Variants in MED20 observed in about 807,000 individuals in gnomAD.
The protein encoded by MED20 is mediator complex subunit 20.
MED20 carries 19 observed loss-of-function variants against 19.7 expected under a neutral mutation model. The ratio of observed to expected loss-of-function variants is 0.96; its 90% CI spans 0.67 to 1.42. MED20 has a LOEUF of 1.42. Ranked by LOEUF, MED20 falls within the 40% of genes most tolerant of loss-of-function variation. The probability of loss-of-function intolerance (pLI) is 0.00; values close to 1 mark genes in which losing one functional copy is unlikely to be tolerated. For synonymous variants in MED20, 105 were observed against 104.8 expected, an observed-to-expected ratio of 1.00 and a Z score of -0.01; for missense variants, 225 against 273.0, an observed-to-expected ratio of 0.82 and a Z score of 1.24.
intron 2 of MED20, among the ~76,000 whole-genome samples, chr6:41,915,483 ACT>A (rs1775290266): frequency 6.8e-6 from 1 of 148,040 alleles, no homozygotes; most frequent in Admixed American, 6.7e-5. Context: ...ACAGAGCAAG[ACT>A]CTATCTCTTA....
At chr6:41,911,944 A>G (rs1357459421) in intron 2 of MED20, among the ~76,000 whole-genome samples, 2 of 152,214 alleles carry the variant, frequency 1.3e-5, no homozygotes, top group Non-Finnish European at 2.9e-5. Flanking sequence ...ATGAGTCTAC[A>G]AGTGTTACTG....
At chr6:41,914,969 T>G (rs558847991) in intron 2 of MED20, among the ~76,000 whole-genome samples, 6 of 152,248 alleles carry the variant, frequency 3.9e-5, no homozygotes, top group East Asian at 3.9e-4. Flanking sequence ...TGCATAAGGA[T>G]TGTCTGGATT....
At chr6:41,916,965 A>C in intron 1 of MED20, 26 bp from the exon 2 acceptor site, 1 of 1,612,854 alleles carries the variant, frequency 6.2e-7, no homozygotes, top group African/African-American at 1.3e-5. Context: ...CCAAATCGTC[A>C]GTTATCCAGA....
chr6:41,917,075 A>G (rs1310575127), intron 1 of MED20, 136 bp from the exon 2 acceptor site: 2 of 872,332 alleles, frequency 2.3e-6, no homozygotes, highest in South Asian at 5.1e-5. Context: ...CCGTCTCCCA[A>G]TCCCTGCAAC....
intron 1 of MED20, chr6:41,920,779 A>C: frequency 2.0e-6 from 1 of 490,998 alleles, no homozygotes; most frequent in Non-Finnish European, 3.5e-6. Context: ...TAAAAAAAAC[A>C]AAACAAAACA....
intron 1 of MED20, chr6:41,917,832 A>G (rs1384699433): frequency 4.3e-6 from 2 of 468,866 alleles, no homozygotes; most frequent in Admixed American, 2.4e-5. Flanking sequence ...ACAGTAGCCC[A>G]GAGCCACAGG....
chr6:41,909,585 C>T (rs1291934392), intron 2 of MED20, 63 bp from the exon 3 acceptor site: 52 of 1,581,708 alleles, frequency 3.3e-5, no homozygotes, highest in Non-Finnish European at 4.3e-5. Flanking sequence ...AGAGTAGAGT[C>T]AAATGACTCC....
chr6:41,916,654 C>T (rs1000135353), intron 2 of MED20, 131 bp downstream of exon 2: 13 of 1,095,140 alleles, frequency 1.2e-5, no homozygotes, highest in African/African-American at 7.9e-5. Flanking sequence ...GAATTAATGA[C>T]GTCAAAAACA....
intron 1 of MED20, chr6:41,920,799 C>A (rs893319529): frequency 2.1e-5 from 11 of 513,928 alleles, no homozygotes; most frequent in Admixed American, 1.2e-4. Flanking sequence ...AAAAAAAAAA[C>A]CTTTGCTTTC....
chr6:41,916,493 T>C (rs1775317763), intron 2 of MED20, among the ~76,000 whole-genome samples: 1 of 151,430 alleles, frequency 6.6e-6, no homozygotes, highest in Admixed American at 6.6e-5. Flanking sequence ...GGCAGGAGAA[T>C]CACTTGAACC....
At chr6:41,908,710 C>A (rs898415891) in intron 3 of MED20, among the ~76,000 whole-genome samples, 1 of 152,182 alleles carries the variant, frequency 6.6e-6, no homozygotes, top group South Asian at 2.1e-4. Context: ...TTTCCCTTCT[C>A]CAGCAAGCCA....
chr6:41,908,444 G>C (rs1775110134), intron 3 of MED20, among the ~76,000 whole-genome samples: 1 of 152,110 alleles, frequency 6.6e-6, no homozygotes, highest in Admixed American at 6.6e-5. Context: ...CACACTCTCT[G>C]TGTCACAGAT....
chr6:41,908,351 C>T (rs1042358687), intron 3 of MED20, among the ~76,000 whole-genome samples: 1 of 152,160 alleles, frequency 6.6e-6, no homozygotes, highest in African/African-American at 2.4e-5. Flanking sequence ...TGAACTTTCC[C>T]TGGTCCCAAA....
chr6:41,915,647 C>T (rs1266553961), intron 2 of MED20, among the ~76,000 whole-genome samples: 4 of 152,182 alleles, frequency 2.6e-5, no homozygotes, highest in Admixed American at 6.5e-5. Context: ...ATTAGCCCAG[C>T]GTAGTGGCAG....
intron 2 of MED20, among the ~76,000 whole-genome samples, chr6:41,915,960 G>A (rs1007047900): frequency 2.9e-4 from 44 of 152,178 alleles, no homozygotes; most frequent in African/African-American, 1.0e-3. Context: ...CCTCAATAAA[G>A]CTTTAGCCAG....
At chr6:41,911,205 C>T (rs1157310383) in intron 2 of MED20, among the ~76,000 whole-genome samples, 1 of 149,422 alleles carries the variant, frequency 6.7e-6, no homozygotes, top group Non-Finnish European at 1.5e-5. Flanking sequence ...GGCTGTAGTG[C>T]AATGGTGCAA....
At chr6:41,917,034 C>A in intron 1 of MED20, 95 bp from the exon 2 acceptor site, 2 of 1,303,034 alleles carry the variant, frequency 1.5e-6, no homozygotes, top group Non-Finnish European at 2.2e-6. Flanking sequence ...TCATCAGGGC[C>A]AAAAGTTATC....
chr6:41,913,886 A>G (rs1168770975), intron 2 of MED20, among the ~76,000 whole-genome samples: 11 of 152,152 alleles, frequency 7.2e-5, no homozygotes, highest in Non-Finnish European at 1.3e-4. Context: ...CAACAAGAAC[A>G]AAACTCCGTC....
intron 2 of MED20, among the ~76,000 whole-genome samples, chr6:41,912,159 C>G (rs1420559831): frequency 6.8e-6 from 1 of 147,906 alleles, no homozygotes; most frequent in Non-Finnish European, 1.5e-5. Flanking sequence ...AGCAATCCTT[C>G]TGCCTCAGTG....
Sources: gnomAD v4.1 joint callset for allele counts (sites outside exome capture counted in the v4.1 genomes callset) on GRCh38, gnomAD v4.1.1 for gene constraint, MANE v1.5 for transcripts, NCBI Gene and HGNC (gene_info 2026-07-23, HGNC 2026-07-21) for gene names.